The following TNPO1 variants were observed in gnomAD, a reference collection of about 807,000 sequenced individuals.
TNPO1 encodes the protein transportin-1.
Under a neutral mutation model 119.5 loss-of-function variants are expected in TNPO1, and 8 were observed. The observed-to-expected ratio is 0.07, with a 90% CI of 0.04 to 0.12. The LOEUF is 0.12. Among genes scored for constraint, TNPO1 ranks in the 10% least tolerant of loss-of-function variants. The pLI is 1.00. For synonymous variants in TNPO1, 362 were observed against 363.0 expected (o/e 1.00, Z 0.03); for missense variants, 576 against 1,089.8 (o/e 0.53, Z 6.64).
chr5:72,903,628 A>T, intron 22 of TNPO1, 81 bp from the exon 23 acceptor site: 1 of 871,858 alleles, frequency 1.1e-6, no homozygotes, highest in South Asian at 1.7e-5. Flanking sequence ...ATTGTGACAT[A>T]AACTCTGAGG....
chr5:72,851,766 T>C (rs949664141), intron 3 of TNPO1, among the ~76,000 whole-genome samples: 10 of 152,256 alleles, frequency 6.6e-5, no homozygotes, highest in Non-Finnish European at 1.2e-4. Flanking sequence ...AGTGCTCGGA[T>C]TGCAGGTGTG....
intron 1 of TNPO1, among the ~76,000 whole-genome samples, chr5:72,835,368 AAAT>A (rs1744653153): frequency 6.6e-6 from 1 of 152,158 alleles, no homozygotes; most frequent in Non-Finnish European, 1.5e-5. Context: ...GTAATTTACA[AAAT>A]AATAAAAATG....
chr5:72,894,335 AT>A (rs928101903), intron 18 of TNPO1, among the ~76,000 whole-genome samples: 3 of 151,582 alleles, frequency 2.0e-5, no homozygotes, highest in Admixed American at 1.3e-4. Flanking sequence ...GAGTTATGGG[AT>A]TTTTTTCCCC....
intron 11 of TNPO1, among the ~76,000 whole-genome samples, chr5:72,885,228 CAAGGT>C (rs546174239): frequency 1.8e-4 from 28 of 152,304 alleles, no homozygotes; most frequent in Non-Finnish European, 3.4e-4. Context: ...GAGATATACC[CAAGGT>C]TAGCATAGCT....
At chr5:72,849,364 C>A (rs1419343413) in intron 2 of TNPO1, among the ~76,000 whole-genome samples, 1 of 152,158 alleles carries the variant, frequency 6.6e-6, no homozygotes, top group African/African-American at 2.4e-5. Context: ...CACTCTATAT[C>A]ATGAATAACC....
intron 15 of TNPO1, among the ~76,000 whole-genome samples, chr5:72,892,805 C>G (rs770147034): frequency 6.6e-6 from 1 of 152,110 alleles, no homozygotes; most frequent in Non-Finnish European, 1.5e-5. Flanking sequence ...CCAGTAAAGT[C>G]CATTCACAAC....
rs111512326 is a variant in TNPO1 at position 72,845,074 on chromosome 5, CT to C, written c.16-3298del. On this transcript the variant is annotated intron_variant, in intron 1 of 24. Coordinates refer to ENST00000337273, the MANE Select transcript of TNPO1 (RefSeq NM_002270.4). ...ACTGTATTTTGGCTTGTTGAAATGC[CT>C]TTTTTTTTTTTTGGTCACCATTGAA... Among the ~76,000 whole-genome samples, 319 of 142,506 alleles carry C rather than the reference CT, an allele frequency of 2.2e-3. 2 individuals are homozygous for C. Among genetic ancestry groups the C allele is most frequent in the African/African-American group, 7.4e-3 (288 of 39,146 alleles). The allele number at this position is 142,506 out of a possible 152,430, so 93.5% of individuals were successfully genotyped here. A position where few individuals can be genotyped will look rare whatever the true frequency, so the allele number is the denominator to read the frequency against.
intron 1 of TNPO1, chr5:72,848,143 G>T: frequency 8.3e-7 from 1 of 1,207,424 alleles, no homozygotes; most frequent in Non-Finnish European, 1.0e-6. Context: ...TCGGCTCCTT[G>T]CGCTCGGCGG....
chr5:72,907,609 CCTTATTT>C (rs1048308817), intron 24 of TNPO1, among the ~76,000 whole-genome samples: 1 of 152,142 alleles, frequency 6.6e-6, no homozygotes, highest in African/African-American at 2.4e-5. Flanking sequence ...AGTAATCTTA[CCTTATTT>C]CTTAATATCC....
chr5:72,818,501 C>A (rs1406952295), intron 1 of TNPO1, among the ~76,000 whole-genome samples: 6 of 152,190 alleles, frequency 3.9e-5, no homozygotes, highest in South Asian at 2.1e-4. Context: ...AGAAGAATTT[C>A]TTGAATTTTA....
At chr5:72,833,731 C>A (rs959985102) in intron 1 of TNPO1, among the ~76,000 whole-genome samples, 1 of 152,160 alleles carries the variant, frequency 6.6e-6, no homozygotes, top group Non-Finnish European at 1.5e-5. Flanking sequence ...AGATTTCCTT[C>A]CCATCTCACA....
intron 1 of TNPO1, among the ~76,000 whole-genome samples, chr5:72,826,783 A>G (rs1255571837): frequency 1.3e-5 from 2 of 152,214 alleles, no homozygotes; most frequent in Admixed American, 6.5e-5. Flanking sequence ...AATTCCATAG[A>G]GAAGAACGCT....
chr5:72,878,909 C>A, intron 9 of TNPO1: 1 of 511,340 alleles, frequency 2.0e-6, no homozygotes, highest in African/African-American at 2.0e-5. Context: ...ATTTTGTGTC[C>A]AATGGTCTCA....
intron 8 of TNPO1, among the ~76,000 whole-genome samples, chr5:72,876,475 G>C (rs1379560604): frequency 6.6e-6 from 1 of 152,148 alleles, no homozygotes; most frequent in East Asian, 1.9e-4. Context: ...CGCACTAAGA[G>C]ATGTCACTAC....
chr5:72,893,587 T>C (rs771101198), intron 17 of TNPO1, 29 bp from the exon 18 acceptor site: 3 of 1,614,174 alleles, frequency 1.9e-6, no homozygotes, highest in Non-Finnish European at 2.5e-6. Flanking sequence ...TGTGTCACAT[T>C]GGGGTTAATT....
intron 1 of TNPO1, among the ~76,000 whole-genome samples, chr5:72,839,533 C>G (rs1744823442): frequency 6.6e-6 from 1 of 152,166 alleles, no homozygotes; most frequent in Non-Finnish European, 1.5e-5. Context: ...ATTGTACTTA[C>G]TAGTCCTTAC....
chr5:72,895,562 C>A (rs1749369325), intron 18 of TNPO1, among the ~76,000 whole-genome samples: 4 of 151,888 alleles, frequency 2.6e-5, no homozygotes, highest in Admixed American at 2.6e-4. Context: ...TTCCCCCCAA[C>A]AAAAAAATGA....
Position 72,893,688 on chromosome 5 carries a change from G to C in TNPO1, c.2128G>C (p.Val710Leu), listed in dbSNP as rs1411581331. The change falls in exon 18 of 25, where the codon GTT (valine) becomes CTT (leucine). Residue 710 changes from valine (V) to leucine (L), a missense_variant. Val to Leu is a conservative substitution (Grantham distance 32, BLOSUM62 1). Coordinates refer to ENST00000337273, the MANE Select transcript of TNPO1 (RefSeq NM_002270.4). ...GDLTKACFQH[V>L]KPCIADFMPI... is the part of the protein sequence containing the mutation. ...CCTCACAAAAGCTTGCTTTCAGCAT[G>C]TTAAGCCTTGTATAGGTATGAATAT... 1 of 1,614,042 alleles carries C rather than the reference G, an allele frequency of 6.2e-7. No homozygotes were observed. Among genetic ancestry groups the C allele is most frequent in the African/African-American group, 1.3e-5 (1 of 74,942 alleles).
At position 72,887,110 on chromosome 5, in the gene TNPO1, G is replaced by T; in HGVS notation, c.1191G>T (p.Val397=). 1 of 1,613,708 alleles carries T rather than the reference G, an allele frequency of 6.2e-7. No individual in the cohort carries two copies. The highest frequency in any genetic ancestry group is 1.1e-5 in the South Asian group (1 of 90,996). Reference sequence around the variant, plus strand: ...CTGCCCTGGATGTTCTTGCAAATGTGTATCGTGATGAACTGCTGCCACATA... The same window carrying T: ...CTGCCCTGGATGTTCTTGCAAATGTTTATCGTGATGAACTGCTGCCACATA... ...SAAALDVLAN[V]YRDELLPHIL... is the part of the protein sequence containing the mutation. Residue 397 remains valine (V), a synonymous_variant, in exon 12 of 25, where the codon GTG becomes GTT. Coordinates refer to ENST00000337273, the MANE Select transcript of TNPO1 (RefSeq NM_002270.4).
Sources: gnomAD v4.1 joint callset for allele counts (sites outside exome capture counted in the v4.1 genomes callset) on GRCh38, gnomAD v4.1.1 for gene constraint, MANE v1.5 for transcripts, NCBI Gene and HGNC (gene_info 2026-07-23, HGNC 2026-07-21) for gene names.